The following MAP3K11 variants were observed in gnomAD, a reference collection of about 807,000 sequenced individuals.
MAP3K11 encodes SH3 domain-containing proline-rich kinase.
MAP3K11 carries 46 observed loss-of-function variants against 84.9 expected under a neutral mutation model. The ratio of observed to expected loss-of-function variants is 0.54; its 90% CI spans 0.43 to 0.69. The LOEUF is 0.69. MAP3K11 is among the 30% of genes least tolerant of loss of function. MAP3K11 has a pLI of 0.00. For synonymous variants in MAP3K11, 527 were observed against 514.7 expected, an observed-to-expected ratio of 1.02 and a Z score of -0.32; for missense variants, 1,053 against 1,198.3, an observed-to-expected ratio of 0.88 and a Z score of 1.79.
chr11:65,607,675 T>A lies in MAP3K11; in HGVS notation c.1211A>T (p.Gln404Leu), dbSNP rs1239750361. ...SMQEGWKREIQGLFDELRAKE... is the reference protein window; with the variant it reads ...SMQEGWKREILGLFDELRAKE... ...GGCTCGCAGCTCGTCGAAGAGACCC[T>A]GGATCTCGCGCTTCCAGCCTTCCTG... The change falls in exon 4 of 10, where the codon CAG becomes CTG. Residue 404 changes from glutamine (Q) to leucine (L), a missense_variant. Coordinates refer to ENST00000309100, the MANE Select transcript of MAP3K11 (RefSeq NM_002419.4). 1 of 1,612,958 alleles carries A rather than the reference T, an allele frequency of 6.2e-7. No homozygotes were observed. Among genetic ancestry groups the A allele is most frequent in the Non-Finnish European group, 8.5e-7 (1 of 1,179,238 alleles).
chr11:65,601,001 A>T (rs1038453630), intron 8 of MAP3K11, among the ~76,000 whole-genome samples: 3 of 152,156 alleles, frequency 2.0e-5, no homozygotes, highest in African/African-American at 7.2e-5. Flanking sequence ...GGGACAAGGG[A>T]ATCCTTCTAA....
chr11:65,613,276 C>A lies in MAP3K11; in HGVS notation c.481G>T (p.Val161Phe), dbSNP rs760201740. 1 of 1,612,260 alleles carries A rather than the reference C, an allele frequency of 6.2e-7. No individual in the cohort carries two copies. The highest frequency in any genetic ancestry group is 8.5e-7 in the Non-Finnish European group (1 of 1,179,138). ...GCGAAGAGCCGGGCCTCCTGGCGAA[C>A]GCTCTCGGCTGTCACACTGATGTCC... The part of the protein sequence containing the change: ...DEDISVTAES[V>F]RQEARLFAML... The change falls in exon 1 of 10, where the codon GTT becomes TTT. Residue 161 changes from valine to phenylalanine, a missense_variant. By Grantham distance (50) the Val-to-Phe change is conservative. Coordinates refer to ENST00000309100, the MANE Select transcript of MAP3K11 (RefSeq NM_002419.4).
intron 4 of MAP3K11, 57 bp from the exon 5 acceptor site, chr11:65,607,570 C>T (rs975718553): frequency 1.6e-5 from 25 of 1,550,498 alleles, no homozygotes; most frequent in African/African-American, 2.7e-5. Flanking sequence ...CCGGCAGCGC[C>T]CGCCCCGACT....
chr11:65,598,225 C>G lies in MAP3K11; in HGVS notation c.*66G>C. ...GGCAGCTGCAGAGGCTGACCCAGCTCCTGTTCCAGTGTATGCTGTGACTCC... is the reference window on the plus strand; with the variant it reads ...GGCAGCTGCAGAGGCTGACCCAGCTGCTGTTCCAGTGTATGCTGTGACTCC... On this transcript the variant is annotated 3_prime_UTR_variant, in exon 10 of 10. Coordinates refer to ENST00000309100, the MANE Select transcript of MAP3K11 (RefSeq NM_002419.4). The G allele has an allele frequency of 7.7e-7, 1 of 1,295,212 alleles. No individual in the cohort carries two copies. The highest frequency in any genetic ancestry group is 1.0e-6 in the Non-Finnish European group (1 of 1,002,104). The allele number at this position is 1,295,212 out of a possible 1,614,324, so 80.2% of individuals were successfully genotyped here. A position where few individuals can be genotyped will look rare whatever the true frequency, so the allele number is the denominator to read the frequency against.
chr11:65,608,243 C>G lies in MAP3K11; in HGVS notation c.920+25G>C, dbSNP rs931256213. 3 of 1,607,824 alleles carry G rather than the reference C, an allele frequency of 1.9e-6. No homozygotes were observed. In the South Asian group the frequency reaches 3.3e-5, roughly 18 times the overall value. The stretch of plus-strand genomic sequence containing the variant: ...TGCCCTCTGCAGCCCCGTAGCAGCC[C>G]GTCCAGCCCCACCAAGGGCCGCACC... On this transcript the variant is annotated intron_variant, in intron 2 of 9. Transcript: ENST00000309100.
chr11:65,604,906 C>T (rs998035767), intron 8 of MAP3K11, among the ~76,000 whole-genome samples: 1 of 152,126 alleles, frequency 6.6e-6, no homozygotes, highest in Admixed American at 6.5e-5. Flanking sequence ...TCACTCAGAG[C>T]TGGGCAGTGT....
chr11:65,599,758 C>T lies in MAP3K11; in HGVS notation c.1842G>A (p.Pro614=), dbSNP rs747477088. 26 of 1,593,136 alleles carry T rather than the reference C, an allele frequency of 1.6e-5. No individual in the cohort carries two copies. The South Asian group carries it at 2.0e-4, about 12-fold the overall frequency. The change falls in exon 9 of 10, where the codon CCG becomes CCA. Residue 614 remains proline (P), a synonymous_variant. Coordinates refer to ENST00000309100, the MANE Select transcript of MAP3K11 (RefSeq NM_002419.4). ...STPPALNGNP[P]RPSLEPEEPK... Reference sequence around the variant, plus strand: ...GCTCCTCGGGCTCCAGGCTAGGCCGCGGGGGGTTACCTGCGGGCAGAGGCG... The same window carrying T: ...GCTCCTCGGGCTCCAGGCTAGGCCGTGGGGGGTTACCTGCGGGCAGAGGCG...
At chr11:65,608,215 C>T in intron 2 of MAP3K11, 53 bp downstream of exon 2, 1 of 1,597,046 alleles carries the variant, frequency 6.3e-7, no homozygotes, top group South Asian at 1.1e-5. Flanking sequence ...AGGCAGCCAC[C>T]TCTGCCCTCT....
chr11:65,606,066 G>A lies in MAP3K11; in HGVS notation c.1619C>T (p.Pro540Leu). The A allele has an allele frequency of 6.3e-7, 1 of 1,576,466 alleles. No individual in the cohort carries two copies. Among genetic ancestry groups the A allele is most frequent in the East Asian group, 2.3e-5 (1 of 44,212 alleles). Residue 540 changes from proline to leucine, a missense_variant, in exon 7 of 10, where the codon CCA (proline) becomes CTA (leucine). By Grantham distance (98) the Pro-to-Leu change is moderately conservative. Transcript: ENST00000309100. Reference protein sequence around the residue: ...FRAIQLEPAEPGQAWGRQSPR... With the variant: ...FRAIQLEPAELGQAWGRQSPR... ...GGACTGGCGGCCCCATGCCTGGCCT[G>A]GCTCTGCAGGCTCCACTGCAGGGGA...
At chr11:65,608,679 G>A (rs576793727) in intron 1 of MAP3K11, 6 of 491,886 alleles carry the variant, frequency 1.2e-5, no homozygotes, top group African/African-American at 2.0e-5. Flanking sequence ...GTGCAATGGC[G>A]TGATCTTGGC....
Position 65,606,736 on chromosome 11 carries a change from C to T in MAP3K11, c.1558G>A (p.Gly520Arg), listed in dbSNP as rs773390948. The change falls in exon 6 of 10, where the codon GGG (glycine) becomes AGG (arginine). Residue 520 changes from glycine to arginine, a missense_variant. Physicochemically the swap from Gly to Arg is moderately radical, Grantham distance 125 (BLOSUM62 -2). Transcript: ENST00000309100. ...GGAAAGGTGGGCGAATCCCCAGGCC[C>T]GACCTCGAAGACGTTTCTCCTCCGG... is the stretch of plus-strand genomic sequence containing the variant. ...LDRRRNVFEV[G>R]PGDSPTFPRF... The T allele has an allele frequency of 1.9e-6, 3 of 1,604,674 alleles. No homozygotes were observed. Among genetic ancestry groups the T allele is most frequent in the East Asian group, 2.3e-5 (1 of 43,758 alleles).
rs1345913363 is a variant in MAP3K11 at position 65,598,202 on chromosome 11, C to T, written c.*89G>A. The T allele has an allele frequency of 1.2e-5, 14 of 1,141,450 alleles. No individual in the cohort carries two copies. Among genetic ancestry groups the T allele is most frequent in the Non-Finnish European group, 1.6e-5 (14 of 871,022 alleles). 70.7% of individuals were successfully genotyped at this position (1,141,450 alleles called of 1,614,324 possible). A position where few individuals can be genotyped will look rare whatever the true frequency, so the allele number is the denominator to read the frequency against. ...GGTGGGGTCCCTGGGGAAACTGAGG[C>T]AGCTGCAGAGGCTGACCCAGCTCCT... On this transcript the variant is annotated 3_prime_UTR_variant, in exon 10 of 10. Transcript: ENST00000309100.
In MAP3K11 at chr11:65,613,948, G is replaced by A. The variant is rs971391574; in HGVS notation, c.-192C>T. On this transcript the variant is annotated 5_prime_UTR_variant, in exon 1 of 10. Coordinates refer to ENST00000309100, the MANE Select transcript of MAP3K11 (RefSeq NM_002419.4). The stretch of plus-strand genomic sequence containing the variant: ...CCCCGCATCTCGGGCTTCTGGAGGA[G>A]GGCACCCAGGGCAGTGTGGTCAGGC... 2.6e-5 allele frequency: 18 copies of A among 696,092 alleles called. No homozygotes were observed. The South Asian group carries it at 2.7e-4, about 10-fold the overall frequency. The allele number at this position is 696,092 out of a possible 1,614,324, so 43.1% of individuals were successfully genotyped here.
Position 65,613,354 on chromosome 11 carries a change from T to A in MAP3K11, c.403A>T (p.Ser135Cys), listed in dbSNP as rs770880024. 9 of 1,613,046 alleles carry A rather than the reference T, an allele frequency of 5.6e-6. No homozygotes were observed. The change falls in exon 1 of 10, where the codon AGC (serine) becomes TGC (cysteine). Residue 135 changes from serine to cysteine, a missense_variant. This residue lies in a region of MAP3K11 where 310 missense variants were observed against 464.5 expected (regional missense o/e 0.67). Coordinates refer to ENST00000309100, the MANE Select transcript of MAP3K11 (RefSeq NM_002419.4). ...ACAGCCACCAGCTCACCTCGCCAGC[T>A]GCCCCTGTACACCTTGCCAAAGCCT... ...IGGFGKVYRG[S>C]WRGELVAVKA...
chr11:65,601,745 G>A (rs1427478350), intron 8 of MAP3K11, among the ~76,000 whole-genome samples: 1 of 143,986 alleles, frequency 6.9e-6, no homozygotes, highest in African/African-American at 2.5e-5. Context: ...AACAGAGCGA[G>A]ACTCCGTCTC....
chr11:65,607,697 C>G lies in MAP3K11; in HGVS notation c.1189G>C (p.Glu397Gln). 1 of 1,613,734 alleles carries G rather than the reference C, an allele frequency of 6.2e-7. No individual in the cohort carries two copies. Among genetic ancestry groups the G allele is most frequent in the Non-Finnish European group, 8.5e-7 (1 of 1,179,762 alleles). ...MPRDSFHSMQ[E>Q]GWKREIQGLF... ...CCCTGGATCTCGCGCTTCCAGCCTT[C>G]CTGCATGGAATGGAAGGAGTCCCGC... The change falls in exon 4 of 10, where the codon GAA (glutamate) becomes CAA (glutamine). Residue 397 changes from glutamate (E) to glutamine (Q), a missense_variant. Glu to Gln is a conservative substitution (Grantham distance 29, BLOSUM62 2). Transcript: ENST00000309100.
intron 4 of MAP3K11, 43 bp from the exon 5 acceptor site, chr11:65,607,556 A>T (rs1854526258): frequency 1.3e-6 from 2 of 1,548,148 alleles, no homozygotes; most frequent in Admixed American, 3.7e-5. Context: ...GCCTGGCACC[A>T]ATCCCGGCAG....
At chr11:65,599,820 G>A (rs1170135866) in intron 8 of MAP3K11, 52 bp from the exon 9 acceptor site, 3 of 1,563,956 alleles carry the variant, frequency 1.9e-6, no homozygotes, top group Non-Finnish European at 2.6e-6. Context: ...TATTCCGGGT[G>A]AGGGCCCAAG....
rs567748075 is a variant in MAP3K11 at position 65,605,738 on chromosome 11, G to A, written c.1831+23C>T. 2.8e-5 allele frequency: 44 copies of A among 1,571,212 alleles called. No homozygotes were observed. In the South Asian group the frequency reaches 3.9e-4, roughly 14 times the overall value. ...CACGGAAGGAGCTCAGCCAGATCCT[G>A]CCGGGGGAGGAAGGCCACTCACCAT... is the stretch of plus-strand genomic sequence containing the variant. On this transcript the variant is annotated intron_variant, in intron 8 of 9. Transcript: ENST00000309100.
Sources: allele counts gnomAD v4.1 joint callset (sites outside exome capture counted in the v4.1 genomes callset), GRCh38; gene constraint gnomAD v4.1.1; regional missense constraint gnomAD v4.1.1; transcripts MANE v1.5; gene names NCBI Gene and HGNC (gene_info 2026-07-23, HGNC 2026-07-21).